The following DNASE1L3 variants were observed in gnomAD, a reference collection of about 807,000 sequenced individuals.
DNASE1L3 encodes deoxyribonuclease gamma.
DNASE1L3 carries 27 observed loss-of-function variants against 30.9 expected under a neutral mutation model. The ratio of observed to expected loss-of-function variants is 0.87; its 90% confidence interval spans 0.64 to 1.20. DNASE1L3 has a LOEUF of 1.20. Among genes scored for constraint, DNASE1L3 ranks in the 50% most tolerant of loss-of-function variants. The pLI, the probability that DNASE1L3 is intolerant of heterozygous loss-of-function variation, is 0.00. For missense variants in DNASE1L3, 364 were observed against 378.2 expected, an observed-to-expected ratio of 0.96 and a Z score of 0.31; for synonymous variants, 135 against 138.0, an observed-to-expected ratio of 0.98 and a Z score of 0.15.
chr3:58,202,580 G>A (rs1169073120), intron 4 of DNASE1L3, among the ~76,000 whole-genome samples: 1 of 151,950 alleles, frequency 6.6e-6, no homozygotes, highest in Non-Finnish European at 1.5e-5. Flanking sequence ...TTGGCCAGGC[G>A]TGTTGGCTTA....
At chr3:58,209,427 C>G (rs981989801) in intron 1 of DNASE1L3, among the ~76,000 whole-genome samples, 2 of 152,204 alleles carry the variant, frequency 1.3e-5, no homozygotes, top group African/African-American at 4.8e-5. Context: ...AAAATCATTG[C>G]CTTGCATGTC....
At position 58,201,146 on chromosome 3, in the gene DNASE1L3, C is replaced by T. The variant is rs887891803; in HGVS notation, c.434-37G>A. 4 of 1,550,926 alleles carry T rather than the reference C, an allele frequency of 2.6e-6. No individual in the cohort carries two copies. In the African/African-American group the frequency reaches 4.1e-5, roughly 16 times the overall value. ...GAAAGAGGCGGGGGTCACACACTTC[C>T]CCTGTCAAGGTCTCATAAACACTGC... is the stretch of plus-strand genomic sequence containing the variant. On this transcript the variant is annotated intron_variant, in intron 4 of 7. Transcript: ENST00000394549.
chr3:58,202,809 C>T (rs531229855), intron 4 of DNASE1L3, among the ~76,000 whole-genome samples: 3 of 151,284 alleles, frequency 2.0e-5, no homozygotes, highest in South Asian at 4.2e-4. Flanking sequence ...GCCTAGATCA[C>T]GCCACTGCAC....
rs146555960 is a variant in DNASE1L3, at chr3:58,204,842, A to G, written c.360T>C (p.His120=). The stretch of plus-strand genomic sequence containing the variant: ...CATCTGCGTCTCCATCCTGATAGTC[A>G]TGGTAGTGATAACTCCTCTTCACAG... The part of the protein sequence containing the change: ...LVSVKRSYHY[H]DYQDGDADVF... The change falls in exon 4 of 8, where the codon CAT becomes CAC. Residue 120 remains histidine (H), a synonymous_variant. Coordinates refer to ENST00000394549, the MANE Select transcript of DNASE1L3 (RefSeq NM_004944.4). 45 of 1,614,174 alleles carry G rather than the reference A, an allele frequency of 2.8e-5. No homozygotes were observed. In the East Asian group the frequency reaches 9.6e-4, roughly 34 times the overall value.
In DNASE1L3 at chr3:58,208,297, G is replaced by A. The variant is rs374713985; in HGVS notation, c.151C>T (p.Arg51Cys). 77 of 1,614,098 alleles carry A rather than the reference G, an allele frequency of 4.8e-5. No homozygotes were observed. The highest frequency in any genetic ancestry group is 1.5e-4 in the South Asian group (14 of 91,084). ...AMDVIVKVIKRCDIILVMEIK... is the reference protein window; with the variant it reads ...AMDVIVKVIKCCDIILVMEIK... ...TCCATCACGAGTATGATGTCACAGC[G>A]TTTGATGACCTGCAAGAAAGAGAAT... Residue 51 changes from arginine (R) to cysteine (C), a missense_variant, in exon 2 of 8, where the codon CGC (arginine) becomes TGC (cysteine). Arg to Cys is a radical substitution (Grantham distance 180). Transcript: ENST00000394549.
chr3:58,195,014 C>G (rs1338936670), intron 6 of DNASE1L3, among the ~76,000 whole-genome samples: 1 of 152,222 alleles, frequency 6.6e-6, no homozygotes, highest in Non-Finnish European at 1.5e-5. Flanking sequence ...ACTCAGAAAG[C>G]AAAGAATGAC....
At chr3:58,196,380 TAAAAATAC>T (rs1296293075) in intron 6 of DNASE1L3, among the ~76,000 whole-genome samples, 1 of 137,046 alleles carries the variant, frequency 7.3e-6, no homozygotes, top group Admixed American at 7.4e-5. Flanking sequence ...CTGTCTCTAC[TAAAAATAC>T]AAAAAAAAAA....
chr3:58,208,153 AG>A, intron 2 of DNASE1L3, 64 bp downstream of exon 2: 6 of 1,496,696 alleles, frequency 4.0e-6, no homozygotes, highest in Non-Finnish European at 5.6e-6. Context: ...TTCAGTTCCC[AG>A]GGGTTTTCAG....
chr3:58,202,327 T>G (rs1367836689), intron 4 of DNASE1L3, among the ~76,000 whole-genome samples: 2 of 141,398 alleles, frequency 1.4e-5, no homozygotes, highest in South Asian at 2.4e-4. Context: ...GTTTTTTTTT[T>G]TTTTTTTTTT....
rs147005721 is a variant in DNASE1L3 at position 58,210,348 on chromosome 3, G to T, written c.141+418C>A. Among the ~76,000 whole-genome samples, 255 of 152,244 alleles carry T rather than the reference G, an allele frequency of 1.7e-3. 2 individuals carry two copies. The highest frequency in any genetic ancestry group is 2.9e-3 in the Non-Finnish European group (199 of 67,988). On this transcript the variant is annotated intron_variant, in intron 1 of 7. Coordinates refer to ENST00000394549, the MANE Select transcript of DNASE1L3 (RefSeq NM_004944.4). ...TGGTGAAAAGGAGTAGCTGTATAAG[G>T]TTACTTCATCTTTCTTTGTTCATCA...
At position 58,204,778 on chromosome 3, in the gene DNASE1L3, G is replaced by A. The variant is rs563166164; in HGVS notation, c.424C>T (p.Pro142Ser). 1.9e-5 allele frequency: 31 copies of A among 1,614,162 alleles called. No homozygotes were observed. In the South Asian group the frequency reaches 3.1e-4, roughly 16 times the overall value. Residue 142 changes from proline (P) to serine (S), a missense_variant, in exon 4 of 8, where the codon CCC (proline) becomes TCC (serine). Pro to Ser is a moderately conservative substitution (Grantham distance 74). Transcript: ENST00000394549. Reference protein sequence around the residue: ...REPFVVWFQSPHTAVKDFVII... With the variant: ...REPFVVWFQSSHTAVKDFVII... ...CCTGTGTGGGTCTTACCAGTGTGGG[G>A]AGATTGGAACCAGACCACAAAGGGC... is the stretch of plus-strand genomic sequence containing the variant.
intron 4 of DNASE1L3, 60 bp from the exon 5 acceptor site, chr3:58,201,169 T>G: frequency 7.2e-7 from 1 of 1,393,516 alleles, no homozygotes; most frequent in South Asian, 1.3e-5. Flanking sequence ...TCATAAACAC[T>G]GCTGGAGGGA....
At position 58,200,457 on chromosome 3, in the gene DNASE1L3, G is replaced by A. The variant is rs1193017338; in HGVS notation, c.546+540C>T. Among the ~76,000 whole-genome samples, 7 of 152,200 alleles carry A rather than the reference G, an allele frequency of 4.6e-5. No homozygotes were observed. Among genetic ancestry groups the A allele is most frequent in the Admixed American group, 2.6e-4 (4 of 15,276 alleles). ...GAAAGGGCAACCAGGAGATAGAAAGGAAGAGACAAATCAAGCTCTGATTAC... is the reference window on the plus strand; with the variant it reads ...GAAAGGGCAACCAGGAGATAGAAAGAAAGAGACAAATCAAGCTCTGATTAC... On this transcript the variant is annotated intron_variant, in intron 5 of 7. Transcript: ENST00000394549. This position sits in a 1 kb window ranked among gnomAD's most constrained non-coding sequence, Gnocchi z 4.2.
At position 58,197,573 on chromosome 3, in the gene DNASE1L3, C is replaced by T. The variant is rs1301342611; in HGVS notation, c.704+248G>A. On this transcript the variant is annotated intron_variant, in intron 6 of 7. Coordinates refer to ENST00000394549, the MANE Select transcript of DNASE1L3 (RefSeq NM_004944.4). The surrounding 1 kb of genome is among the most constrained non-coding windows in gnomAD (Gnocchi z 5.3). ...GCTCAAGCGATCCTCCCACCTCAGC[C>T]TCCTGAGTAGCTGGGAGTATAGGTG... 6.6e-6 allele frequency among the ~76,000 whole-genome samples: 1 copy of T among 152,234 alleles called. No individual in the cohort carries two copies. The highest frequency in any genetic ancestry group is 1.9e-4 in the East Asian group (1 of 5,202).
At chr3:58,209,565 C>A (rs1005119686) in intron 1 of DNASE1L3, among the ~76,000 whole-genome samples, 5 of 152,202 alleles carry the variant, frequency 3.3e-5, no homozygotes, top group Admixed American at 2.6e-4. Flanking sequence ...CTGAGAGGCT[C>A]GTCCAAGGAA....
intron 1 of DNASE1L3, 100 bp downstream of exon 1, chr3:58,210,666 C>T: frequency 1.3e-6 from 2 of 1,570,066 alleles, no homozygotes. Context: ...TACATTCCCC[C>T]TAAGGGCCAA....
chr3:58,195,890 C>T (rs1377531530), intron 6 of DNASE1L3, among the ~76,000 whole-genome samples: 5 of 152,134 alleles, frequency 3.3e-5, no homozygotes, highest in African/African-American at 9.7e-5. Flanking sequence ...CACATGTAAT[C>T]CCACCATCCT....
At chr3:58,194,757 C>G (rs1212491109) in intron 6 of DNASE1L3, among the ~76,000 whole-genome samples, 1 of 151,594 alleles carries the variant, frequency 6.6e-6, no homozygotes, top group Non-Finnish European at 1.5e-5. Context: ...TCCCGAGTAG[C>G]TGGGACTACA....
At chr3:58,205,321 G>C in intron 3 of DNASE1L3, 150 bp downstream of exon 3, 1 of 732,594 alleles carries the variant, frequency 1.4e-6, no homozygotes, top group Admixed American at 2.4e-5. Flanking sequence ...TCAATACTTT[G>C]CATAGGCCCC....
Sources: gnomAD v4.1 joint callset for allele counts (sites outside exome capture counted in the v4.1 genomes callset) on GRCh38, gnomAD v4.1.1 for gene constraint, Gnocchi (gnomAD v3.1) non-coding constraint, MANE v1.5 for transcripts, NCBI Gene and HGNC (gene_info 2026-07-23, HGNC 2026-07-21) for gene names.